Variants in KCNH5 observed in about 807,000 individuals in gnomAD.
The protein encoded by KCNH5 is voltage-gated delayed rectifier potassium channel KCNH5.
KCNH5 carries 46 observed loss-of-function variants against 96.1 expected under a neutral mutation model. The observed-to-expected ratio is 0.48, with a 90% CI of 0.38 to 0.61. The LOEUF (loss-of-function observed/expected upper bound fraction) is 0.61. KCNH5 is among the 20% of genes least tolerant of loss of function. The probability of loss-of-function intolerance (pLI) is 0.00; values close to 1 mark genes in which losing one functional copy is unlikely to be tolerated. For synonymous variants in KCNH5, 439 were observed against 449.8 expected (o/e 0.98, Z 0.30); for missense variants, 907 against 1,225.8 (o/e 0.74, Z 3.88).
At chr14:62,789,355 T>A (rs1017878088) in intron 9 of KCNH5, among the ~76,000 whole-genome samples, 1 of 152,056 alleles carries the variant, frequency 6.6e-6, no homozygotes, top group Non-Finnish European at 1.5e-5. Context: ...GTCGTTTCCA[T>A]ATCTTGCCTA....
At chr14:62,929,234 T>C (rs1033390801) in intron 7 of KCNH5, among the ~76,000 whole-genome samples, 2 of 152,092 alleles carry the variant, frequency 1.3e-5, no homozygotes, top group Non-Finnish European at 2.9e-5. Context: ...CAGCAAATCT[T>C]GTTGGCTCTA....
chr14:62,972,757 GA>G (rs1196701664), intron 6 of KCNH5, among the ~76,000 whole-genome samples: 2 of 152,042 alleles, frequency 1.3e-5, no homozygotes, highest in African/African-American at 4.8e-5. Context: ...AAGCCAATAT[GA>G]AAAAGCTACA....
At chr14:62,810,840 A>G (rs1200316127) in intron 8 of KCNH5, among the ~76,000 whole-genome samples, 2 of 152,130 alleles carry the variant, frequency 1.3e-5, no homozygotes, top group African/African-American at 4.8e-5. Flanking sequence ...AACTTGCTTA[A>G]TAAGTCACAG....
At chr14:62,997,764 G>A (rs1890933416) in intron 4 of KCNH5, among the ~76,000 whole-genome samples, 2 of 151,692 alleles carry the variant, frequency 1.3e-5, no homozygotes, top group Admixed American at 1.3e-4. Context: ...ACCGGGCATG[G>A]TGGTGGGCGC....
At chr14:62,929,114 T>C (rs888645612) in intron 7 of KCNH5, among the ~76,000 whole-genome samples, 10 of 152,014 alleles carry the variant, frequency 6.6e-5, no homozygotes, top group African/African-American at 2.4e-4. Flanking sequence ...CTCTCCTCTG[T>C]TTTCCCCAAA....
chr14:62,968,160 C>T (rs868773855), intron 6 of KCNH5, among the ~76,000 whole-genome samples: 4 of 152,162 alleles, frequency 2.6e-5, no homozygotes, highest in African/African-American at 9.6e-5. Context: ...CCAATGCCCA[C>T]CAGGAATAGA....
chr14:62,929,602 G>A (rs1722249630), intron 7 of KCNH5, among the ~76,000 whole-genome samples: 1 of 151,946 alleles, frequency 6.6e-6, no homozygotes, highest in African/African-American at 2.4e-5. Flanking sequence ...TTTATAATGA[G>A]GACATAGACT....
intron 9 of KCNH5, among the ~76,000 whole-genome samples, chr14:62,792,507 A>G (rs1566661990): frequency 6.6e-6 from 1 of 151,656 alleles, no homozygotes; most frequent in South Asian, 2.1e-4. Context: ...TAAAAATCCA[A>G]ATATATGCCT....
chr14:62,756,828 T>A (rs1253791769), intron 10 of KCNH5, among the ~76,000 whole-genome samples: 3 of 152,208 alleles, frequency 2.0e-5, no homozygotes, highest in African/African-American at 7.2e-5. Context: ...TAAATCTATG[T>A]CCTTAACTTA....
chr14:63,027,929 T>C (rs1489799236), intron 1 of KCNH5, among the ~76,000 whole-genome samples: 1 of 152,060 alleles, frequency 6.6e-6, no homozygotes, highest in African/African-American at 2.4e-5. Context: ...CAATACACAA[T>C]TGAAAAAATT....
intron 8 of KCNH5, among the ~76,000 whole-genome samples, chr14:62,804,255 T>C (rs1349700205): frequency 6.6e-6 from 1 of 152,220 alleles, no homozygotes; most frequent in Non-Finnish European, 1.5e-5. Context: ...CCCACCTTTC[T>C]GAAAAATCTG....
chr14:62,976,330 G>A (rs1890498481), intron 6 of KCNH5, among the ~76,000 whole-genome samples: 1 of 149,398 alleles, frequency 6.7e-6, no homozygotes, highest in Admixed American at 6.7e-5. Context: ...GTGAACCCAG[G>A]AAGCAGAGCT....
chr14:62,824,540 T>C (rs998560317), intron 8 of KCNH5, among the ~76,000 whole-genome samples: 1 of 152,112 alleles, frequency 6.6e-6, no homozygotes, highest in African/African-American at 2.4e-5. Flanking sequence ...TATTGAAACA[T>C]TTTTCACCTT....
intron 7 of KCNH5, among the ~76,000 whole-genome samples, chr14:62,893,837 T>C (rs1288575684): frequency 6.6e-6 from 1 of 152,226 alleles, no homozygotes; most frequent in Admixed American, 6.5e-5. Flanking sequence ...AGTTCTATTG[T>C]GGGTAAAATC....
chr14:63,029,023 T>G (rs138046191), intron 1 of KCNH5, among the ~76,000 whole-genome samples: 1 of 152,148 alleles, frequency 6.6e-6, no homozygotes, highest in East Asian at 1.9e-4. Flanking sequence ...CATCAAAGAG[T>G]TAAGTAATTG....
intron 6 of KCNH5, among the ~76,000 whole-genome samples, chr14:62,979,651 A>T (rs1890569229): frequency 6.6e-6 from 1 of 152,210 alleles, no homozygotes; most frequent in Non-Finnish European, 1.5e-5. Context: ...TAATATTATC[A>T]TAATGAACAT....
intron 1 of KCNH5, among the ~76,000 whole-genome samples, chr14:63,041,817 A>G (rs975921578): frequency 1.3e-5 from 2 of 152,128 alleles, no homozygotes; most frequent in African/African-American, 4.8e-5. Context: ...AAGGAAAATA[A>G]AAATCCAGTC....
chr14:62,941,116 A>G (rs755495836), intron 7 of KCNH5, among the ~76,000 whole-genome samples: 2 of 152,184 alleles, frequency 1.3e-5, no homozygotes, highest in Admixed American at 6.5e-5. Context: ...TTAAATACCA[A>G]TGTATACCAG....
intron 8 of KCNH5, among the ~76,000 whole-genome samples, chr14:62,811,276 C>T (rs967153765): frequency 6.6e-6 from 1 of 152,058 alleles, no homozygotes; most frequent in African/African-American, 2.4e-5. Context: ...TATCTGATGG[C>T]TTGCTTCCCC....
Sources: allele counts gnomAD v4.1 joint callset (sites outside exome capture counted in the v4.1 genomes callset), GRCh38; gene constraint gnomAD v4.1.1; transcripts MANE v1.5; gene names NCBI Gene and HGNC (gene_info 2026-07-23, HGNC 2026-07-21).